Variants in TRAF3IP1 observed in about 807,000 individuals in gnomAD.
TRAF3IP1 encodes the protein intraflagellar transport 54, also known as TRAF3-interacting protein 1.
In TRAF3IP1, 53 loss-of-function variants were observed where a neutral mutation model predicts 89.9. The observed-to-expected ratio is 0.59, with a 90% confidence interval of 0.47 to 0.74. The LOEUF (loss-of-function observed/expected upper bound fraction) is 0.74, where lower values mean the gene tolerates loss of function less well. Among genes scored for constraint, TRAF3IP1 ranks in the 30% least tolerant of loss-of-function variants. The probability of loss-of-function intolerance (pLI) is 0.00; values close to 1 mark genes in which losing one functional copy is unlikely to be tolerated. For missense variants in TRAF3IP1, 806 were observed against 866.1 expected (o/e 0.93, Z 0.87); for synonymous variants, 311 against 322.1 (o/e 0.97, Z 0.37).
intron 3 of TRAF3IP1, among the ~76,000 whole-genome samples, chr2:238,327,599 A>C (rs543168215): frequency 6.6e-6 from 1 of 152,328 alleles, no homozygotes; most frequent in South Asian, 2.1e-4. Flanking sequence ...TCCATAAAAC[A>C]TAAAATTTGC....
chr2:238,325,727 C>T, intron 2 of TRAF3IP1, 82 bp from the exon 3 acceptor site: 4 of 1,350,804 alleles, frequency 3.0e-6, no homozygotes, highest in Non-Finnish European at 3.1e-6. Flanking sequence ...CAGAAACTAT[C>T]CTATGCCTGG....
At chr2:238,381,126 A>T (rs941628921) in intron 15 of TRAF3IP1, among the ~76,000 whole-genome samples, 4 of 142,598 alleles carry the variant, frequency 2.8e-5, no homozygotes, top group Middle Eastern at 3.7e-3. Flanking sequence ...TTTTTTTTTA[A>T]TTATTTATTT....
At chr2:238,367,628 C>T (rs917107915) in intron 15 of TRAF3IP1, among the ~76,000 whole-genome samples, 68 of 152,302 alleles carry the variant, frequency 4.5e-4, no homozygotes, top group African/African-American at 1.6e-3. Flanking sequence ...GGAGAGACCG[C>T]GGTGGGACCG....
rs943929856 is a variant in TRAF3IP1 at position 238,328,730 on chromosome 2, G to T, written c.399G>T (p.Lys133Asn). The T allele has an allele frequency of 6.2e-7, 1 of 1,614,006 alleles. No homozygotes were observed. The highest frequency in any genetic ancestry group is 1.6e-4 in the Middle Eastern group (1 of 6,062). The change falls in exon 4 of 17, where the codon AAG becomes AAT. Residue 133 changes from lysine (K) to asparagine (N), a missense_variant. Lys to Asn is a moderately conservative substitution (Grantham distance 94). Coordinates refer to ENST00000373327, the MANE Select transcript of TRAF3IP1 (RefSeq NM_015650.4). ...DAVRRVLAGEKGEVKGRASLT... is the reference protein window; with the variant it reads ...DAVRRVLAGENGEVKGRASLT... Reference sequence around the variant, plus strand: ...TGCGGAGGGTTTTAGCTGGAGAGAAGGGAGAAGTGAAAGGCCGGGCCTCAC... The same window carrying T: ...TGCGGAGGGTTTTAGCTGGAGAGAATGGAGAAGTGAAAGGCCGGGCCTCAC...
intron 8 of TRAF3IP1, among the ~76,000 whole-genome samples, chr2:238,343,947 C>T (rs143267435): frequency 2.7e-5 from 4 of 150,506 alleles, no homozygotes; most frequent in African/African-American, 7.4e-5. Flanking sequence ...GTGTGAGCCA[C>T]TGTGCCCAGC....
intron 15 of TRAF3IP1, among the ~76,000 whole-genome samples, chr2:238,358,502 C>T (rs1348208723): frequency 6.6e-6 from 1 of 152,176 alleles, no homozygotes; most frequent in Non-Finnish European, 1.5e-5. Flanking sequence ...CACTGCTGCA[C>T]TCCAGCTTGG....
chr2:238,398,434 ATAGG>A (rs1701337904), intron 16 of TRAF3IP1, among the ~76,000 whole-genome samples: 1 of 67,508 alleles, frequency 1.5e-5, no homozygotes, highest in Non-Finnish European at 2.8e-5. Context: ...CGGCAGGAAC[ATAGG>A]TGGGGGGTAG....
chr2:238,352,742 C>G (rs1699229259), intron 12 of TRAF3IP1, 85 bp from the exon 13 acceptor site: 1 of 1,363,108 alleles, frequency 7.3e-7, no homozygotes, highest in Non-Finnish European at 1.0e-6. Context: ...TTAGATTCCT[C>G]TCTGCCGACC....
chr2:238,340,719 A>C (rs1194943644), intron 8 of TRAF3IP1, among the ~76,000 whole-genome samples: 2 of 152,162 alleles, frequency 1.3e-5, no homozygotes, highest in Non-Finnish European at 2.9e-5. Flanking sequence ...AAAAATATGG[A>C]AAAGTAGAAA....
intron 15 of TRAF3IP1, among the ~76,000 whole-genome samples, chr2:238,390,003 T>C (rs1216217212): frequency 1.3e-5 from 2 of 152,132 alleles, no homozygotes; most frequent in African/African-American, 2.4e-5. Context: ...CTGAAAAGTG[T>C]GTGCGCACGT....
intron 3 of TRAF3IP1, among the ~76,000 whole-genome samples, chr2:238,326,289 C>T (rs150851804): frequency 1.9e-4 from 29 of 152,344 alleles, no homozygotes; most frequent in African/African-American, 7.0e-4. Context: ...TGCCCTCTGG[C>T]TTTCTCCTTT....
intron 15 of TRAF3IP1, among the ~76,000 whole-genome samples, chr2:238,360,484 T>C (rs1378311548): frequency 6.6e-6 from 1 of 152,114 alleles, no homozygotes; most frequent in Non-Finnish European, 1.5e-5. Flanking sequence ...AAACAAAGAT[T>C]GCCAAACTGT....
chr2:238,381,681 G>T (rs1442105117), intron 15 of TRAF3IP1, among the ~76,000 whole-genome samples: 2 of 152,158 alleles, frequency 1.3e-5, no homozygotes, highest in Non-Finnish European at 2.9e-5. Context: ...CTCGAAAATG[G>T]GTATAAACAT....
chr2:238,380,553 C>CA (rs1467584420), intron 15 of TRAF3IP1, among the ~76,000 whole-genome samples: 2 of 152,294 alleles, frequency 1.3e-5, no homozygotes, highest in East Asian at 3.9e-4. Flanking sequence ...CCCGGCCACT[C>CA]ACAGCATCTT....
At chr2:238,369,095 T>C (rs909537002) in intron 15 of TRAF3IP1, among the ~76,000 whole-genome samples, 4 of 152,230 alleles carry the variant, frequency 2.6e-5, no homozygotes, top group African/African-American at 4.8e-5. Context: ...ACTGGGTTTC[T>C]AGGTAGCTTA....
chr2:238,368,094 C>T (rs1025838618), intron 15 of TRAF3IP1, among the ~76,000 whole-genome samples: 5 of 152,078 alleles, frequency 3.3e-5, no homozygotes, highest in African/African-American at 1.2e-4. Flanking sequence ...TTTCTAGTTC[C>T]CATCTATTAT....
At chr2:238,354,878 C>G (rs1699338658) in intron 14 of TRAF3IP1, among the ~76,000 whole-genome samples, 1 of 151,660 alleles carries the variant, frequency 6.6e-6, no homozygotes, top group Admixed American at 6.6e-5. Flanking sequence ...TCTCGAACTC[C>G]TGACCTTGTG....
At chr2:238,321,955 C>A (rs1021411746) in intron 1 of TRAF3IP1, among the ~76,000 whole-genome samples, 2 of 152,200 alleles carry the variant, frequency 1.3e-5, no homozygotes, top group African/African-American at 4.8e-5. Context: ...TCTCCTGGAG[C>A]GTGTGCCTCT....
At chr2:238,327,908 T>C (rs373265787) in intron 3 of TRAF3IP1, among the ~76,000 whole-genome samples, 1 of 152,368 alleles carries the variant, frequency 6.6e-6, no homozygotes, top group East Asian at 1.9e-4. Context: ...TTGTGGCATG[T>C]ATCAGAATTT....
Sources: allele counts gnomAD v4.1 joint callset (sites outside exome capture counted in the v4.1 genomes callset), GRCh38; gene constraint gnomAD v4.1.1; transcripts MANE v1.5; gene names NCBI Gene and HGNC (gene_info 2026-07-23, HGNC 2026-07-21).